The following ZNF506 variants were observed in gnomAD, a reference collection of about 807,000 sequenced individuals.
ZNF506 encodes the protein zinc finger protein 506.
Under a neutral mutation model 11.6 loss-of-function variants are expected in ZNF506, and 10 were observed. The ratio of observed to expected loss-of-function variants is 0.86; its 90% CI spans 0.53 to 1.46. The LOEUF is 1.46. ZNF506 is among the 40% of genes most tolerant of loss of function. The pLI, the probability that ZNF506 is intolerant of heterozygous loss-of-function variation, is 0.00. For missense variants in ZNF506, 425 were observed against 521.2 expected, an observed-to-expected ratio of 0.82 and a Z score of 1.80; for synonymous variants, 156 against 173.3, an observed-to-expected ratio of 0.90 and a Z score of 0.78.
intron 1 of ZNF506, among the ~76,000 whole-genome samples, chr19:19,808,965 G>A (rs760061902): frequency 2.6e-5 from 4 of 151,996 alleles, no homozygotes; most frequent in Non-Finnish European, 4.4e-5. Flanking sequence ...TAGAGAGCAG[G>A]TATCTCTTAA....
intron 1 of ZNF506, among the ~76,000 whole-genome samples, chr19:19,810,562 A>T (rs1333384361): frequency 2.6e-5 from 4 of 152,196 alleles, no homozygotes; most frequent in African/African-American, 4.8e-5. Context: ...AAATTTTTTT[A>T]AAAATTGTAT....
intron 3 of ZNF506, among the ~76,000 whole-genome samples, chr19:19,800,671 T>G (rs960130595): frequency 6.6e-6 from 1 of 151,408 alleles, no homozygotes; most frequent in Non-Finnish European, 1.5e-5. Context: ...TGCCTTGGCC[T>G]CCCGAAGTGC....
intron 3 of ZNF506, chr19:19,795,880 C>T: frequency 2.0e-6 from 1 of 510,336 alleles, no homozygotes. Flanking sequence ...TAAAGGGCTC[C>T]AGGTGAGCAC....
intron 3 of ZNF506, among the ~76,000 whole-genome samples, chr19:19,800,406 A>ATTTATATATATATATATATATATT (rs796350010): frequency 6.9e-6 from 1 of 144,412 alleles, no homozygotes; most frequent in Non-Finnish European, 1.5e-5. Flanking sequence ...ATATATATAT[A>ATTTATATATATATATATATATATT]TATATATTTA....
chr19:19,807,611 A>G (rs2062845404), intron 1 of ZNF506, among the ~76,000 whole-genome samples: 1 of 152,054 alleles, frequency 6.6e-6, no homozygotes, highest in Admixed American at 6.5e-5. Flanking sequence ...GGTACAAGCA[A>G]TTCTCCTGCC....
chr19:19,821,667 G>T lies in ZNF506; in HGVS notation c.-64C>A, dbSNP rs184127471. ...CCCTCCTAATACCTGCAGGTCACAG[G>T]GCCACAGAGGCTGGGCCTCTAGGAG... On this transcript the variant is annotated 5_prime_UTR_variant, in exon 1 of 4. Transcript: ENST00000540806. 1 of 1,603,976 alleles carries T rather than the reference G, an allele frequency of 6.2e-7. No homozygotes were observed. Among genetic ancestry groups the T allele is most frequent in the African/African-American group, 1.3e-5 (1 of 74,874 alleles).
intron 1 of ZNF506, among the ~76,000 whole-genome samples, chr19:19,814,713 A>G (rs2062915108): frequency 6.6e-6 from 1 of 152,152 alleles, no homozygotes. Context: ...AGAAAAAAAA[A>G]AATCCCTGGG....
rs2062712593 is a variant in ZNF506, at chr19:19,793,609, T to C, written c.*943A>G. On this transcript the variant is annotated 3_prime_UTR_variant, in exon 4 of 4. Transcript: ENST00000540806. ...ATAAATATTCTTCTTTAAAGGCTTA[T>C]ATTTTCTGAAAGATTTTTTGACAGT... Among the ~76,000 whole-genome samples the C allele has an allele frequency of 1.3e-5, 2 of 152,230 alleles. No individual in the cohort carries two copies. Among genetic ancestry groups the C allele is most frequent in the African/African-American group, 2.4e-5 (1 of 41,462 alleles).
chr19:19,804,643 T>C lies in ZNF506; in HGVS notation c.226+1388A>G, dbSNP rs534305216. Among the ~76,000 whole-genome samples, 23 of 152,322 alleles carry C rather than the reference T, an allele frequency of 1.5e-4. No individual in the cohort carries two copies. In the East Asian group the frequency reaches 1.9e-3, roughly 13 times the overall value. On this transcript the variant is annotated intron_variant, in intron 3 of 3. Coordinates refer to ENST00000540806, the MANE Select transcript of ZNF506 (RefSeq NM_001099269.3). ...AAAGACACATGCACACGTATGTTTA[T>C]TGCGGCACTACTCACAATAGCAAAG...
chr19:19,795,155 A>T lies in ZNF506; in HGVS notation c.732T>A (p.Leu244=), dbSNP rs2062728993. The T allele has an allele frequency of 1.2e-6, 2 of 1,613,126 alleles. No individual in the cohort carries two copies. The highest frequency in any genetic ancestry group is 8.5e-7 in the Non-Finnish European group (1 of 1,179,770). ...CGKAYKQSCN[L]TTHKIIHTGE... ...CAGTATGAATTATCTTATGTGTAGT[A>T]AGGTTACAGGACTGCTTATAGGCTT... The change falls in exon 4 of 4, where the codon CTT becomes CTA. Residue 244 remains leucine (L), a synonymous_variant. Transcript: ENST00000540806.
rs187274467 is a variant in ZNF506, at chr19:19,802,272, T to C, written c.226+3759A>G. ...TAGCTGTTACTGTGTACTCATTAAATGCAGGTATTTTGAATCACTGGCATG... is the reference window on the plus strand; with the variant it reads ...TAGCTGTTACTGTGTACTCATTAAACGCAGGTATTTTGAATCACTGGCATG... On this transcript the variant is annotated intron_variant, in intron 3 of 3. Coordinates refer to ENST00000540806, the MANE Select transcript of ZNF506 (RefSeq NM_001099269.3). 9.1e-4 allele frequency among the ~76,000 whole-genome samples: 138 copies of C among 151,896 alleles called. 1 individual carries two copies. Among genetic ancestry groups the C allele is most frequent in the Admixed American group, 1.3e-3 (20 of 15,260 alleles).
intron 3 of ZNF506, among the ~76,000 whole-genome samples, chr19:19,804,410 A>G (rs965505230): frequency 6.6e-6 from 1 of 152,210 alleles, no homozygotes; most frequent in Non-Finnish European, 1.5e-5. Flanking sequence ...TTAGAATGGC[A>G]ATCATTAAAA....
intron 1 of ZNF506, among the ~76,000 whole-genome samples, chr19:19,814,301 G>A (rs1237183610): frequency 2.6e-5 from 4 of 151,740 alleles, no homozygotes; most frequent in African/African-American, 4.8e-5. Flanking sequence ...CCAGCTACTC[G>A]GGAGACTGAG....
At chr19:19,808,216 C>T (rs1323675861) in intron 1 of ZNF506, among the ~76,000 whole-genome samples, 1 of 146,552 alleles carries the variant, frequency 6.8e-6, no homozygotes, top group Non-Finnish European at 1.5e-5. Context: ...CTCCGCCTCC[C>T]GGGTTCACAC....
chr19:19,817,937 C>A (rs1299622794), intron 1 of ZNF506, among the ~76,000 whole-genome samples: 1 of 151,498 alleles, frequency 6.6e-6, no homozygotes, highest in Admixed American at 6.6e-5. Context: ...AAGCCACTCT[C>A]CTGCCTCAGC....
chr19:19,816,143 A>T (rs762829731), intron 1 of ZNF506, among the ~76,000 whole-genome samples: 2 of 151,372 alleles, frequency 1.3e-5, no homozygotes, highest in Non-Finnish European at 2.9e-5. Flanking sequence ...AAATCAGCTG[A>T]ATTTGTTTTC....
chr19:19,795,093 G>C lies in ZNF506; in HGVS notation c.794C>G (p.Ala265Gly). 1 of 1,613,732 alleles carries C rather than the reference G, an allele frequency of 6.2e-7. No individual in the cohort carries two copies. The stretch of plus-strand genomic sequence containing the variant: ...AAAAAGGGTTGCAGGGTGGTTAAAA[G>C]CTTTGCCACATTCTCTACATCTGTA... The part of the protein sequence containing the change: ...KPYRCRECGK[A>G]FNHPATLFSH... The change falls in exon 4 of 4, where the codon GCT becomes GGT. Residue 265 changes from alanine (A) to glycine (G), a missense_variant. Physicochemically the swap from Ala to Gly is moderately conservative, Grantham distance 60. This residue lies in a region of ZNF506 where 192 missense variants were observed against 215.7 expected (regional missense o/e 0.89). Transcript: ENST00000540806.
At chr19:19,809,506 G>A (rs549302153) in intron 1 of ZNF506, among the ~76,000 whole-genome samples, 2 of 152,224 alleles carry the variant, frequency 1.3e-5, no homozygotes, top group East Asian at 3.9e-4. Context: ...ATTCTCAGAT[G>A]AGACTCTCTG....
intron 1 of ZNF506, among the ~76,000 whole-genome samples, chr19:19,818,191 ATTATT>A (rs1279636063): frequency 1.3e-5 from 2 of 152,200 alleles, no homozygotes; most frequent in African/African-American, 2.4e-5. Context: ...CAGACAACGT[ATTATT>A]TTATTATTTA....
Sources: allele counts gnomAD v4.1 joint callset (sites outside exome capture counted in the v4.1 genomes callset), GRCh38; gene constraint gnomAD v4.1.1; regional missense constraint gnomAD v4.1.1; transcripts MANE v1.5; gene names NCBI Gene and HGNC (gene_info 2026-07-23, HGNC 2026-07-21).